VSIG1: variants seen among roughly 807,000 people sequenced by gnomAD.
VSIG1 encodes the protein V-set and immunoglobulin domain-containing protein 1.
Under a neutral mutation model 20.1 loss-of-function variants are expected in VSIG1, and 11 were observed. That is an observed-to-expected ratio of 0.55 (90% CI 0.34 to 0.91). The LOEUF (loss-of-function observed/expected upper bound fraction) is 0.91. Among genes scored for constraint, VSIG1 ranks in the 40% least tolerant of loss-of-function variants. VSIG1 has a pLI of 0.02. For missense variants in VSIG1, 283 were observed against 298.8 expected, an observed-to-expected ratio of 0.95 and a Z score of 0.39; for synonymous variants, 126 against 116.7, an observed-to-expected ratio of 1.08 and a Z score of -0.52.
At chrX:108,029,118 T>C in the VSIG1 span, among the ~76,000 whole-genome samples, 1 of 112,522 alleles carries the variant, frequency 8.9e-6, no homozygotes, top group African/African-American at 3.2e-5. Flanking sequence ...AAGAAATGAA[T>C]CATTTTTTAG....
intron 1 of VSIG1, among the ~76,000 whole-genome samples, chrX:108,047,877 T>TATATATACACAC (rs1569287178): frequency 0.061 from 1,909 of 31,474 alleles, 288 homozygotes; most frequent in African/African-American, 0.11. Context: ...TATACACATA[T>TATATATACACAC]ATATATATAC....
the VSIG1 span, among the ~76,000 whole-genome samples, chrX:108,026,022 A>G: frequency 6.2e-5 from 7 of 112,682 alleles, no homozygotes; most frequent in Admixed American, 5.6e-4. Flanking sequence ...TGGAACATGC[A>G]CTAGAGACTT....
chrX:108,021,272 C>T, the VSIG1 span, among the ~76,000 whole-genome samples: 1 of 111,406 alleles, frequency 9.0e-6, no homozygotes, highest in African/African-American at 3.3e-5. Context: ...ACTGTCTTAT[C>T]CTCATATTTG....
intron 1 of VSIG1, among the ~76,000 whole-genome samples, chrX:108,047,801 TATATATACATATATATATAC>T (rs2030625200): frequency 1.4e-5 from 1 of 72,285 alleles, no homozygotes; most frequent in African/African-American, 5.8e-5. Context: ...TATATATATA[TATATATACATATATATATAC>T]ATATATATAC....
intron 3 of VSIG1, among the ~76,000 whole-genome samples, chrX:108,071,892 CAA>C (rs1203449181): frequency 4.5e-3 from 162 of 36,373 alleles, no homozygotes; most frequent in African/African-American, 0.011. Flanking sequence ...TGAACAAATG[CAA>C]AAAAAAAAAA....
Position 108,072,810 on chromosome X carries a change from C to A in VSIG1, c.546C>A (p.Ile182=). ...YYWHKLEGRD[I]VPVKENFNPT... is the part of the protein sequence containing the mutation. ...GGCATAAACTTGAGGGAAGAGACATCGTGCCAGTGAAAGAAAACTTCAGTA... is the reference window on the plus strand; with the variant it reads ...GGCATAAACTTGAGGGAAGAGACATAGTGCCAGTGAAAGAAAACTTCAGTA... Residue 182 remains isoleucine (I), a synonymous_variant, in exon 4 of 7, where the codon ATC becomes ATA. Coordinates refer to ENST00000217957, the MANE Select transcript of VSIG1 (RefSeq NM_182607.5). 1 of 1,210,707 alleles carries A rather than the reference C, an allele frequency of 8.3e-7. No homozygotes were observed. The highest frequency in any genetic ancestry group is 3.0e-5 in the East Asian group (1 of 33,820).
chrX:108,077,489 C>G lies in VSIG1; in HGVS notation c.*108C>G. 2.1e-6 allele frequency: 2 copies of G among 938,080 alleles called. No homozygotes were observed. The highest frequency in any genetic ancestry group is 2.9e-6 in the Non-Finnish European group (2 of 679,954). 77.3% of individuals were successfully genotyped at this position (938,080 alleles called of 1,213,427 possible). ...TCCTCCTTCCATTTTGACCAACCTT[C>G]TTCTAACAAGGTGCTCATTCCTACT... On this transcript the variant is annotated 3_prime_UTR_variant, in exon 7 of 7. Transcript: ENST00000217957.
the VSIG1 span, among the ~76,000 whole-genome samples, chrX:108,035,357 C>T: frequency 2.7e-5 from 3 of 111,019 alleles, no homozygotes; most frequent in African/African-American, 6.6e-5. Context: ...GCCTCAGCCC[C>T]GCAAAGTGCT....
At chrX:108,028,141 C>A in the VSIG1 span, among the ~76,000 whole-genome samples, 1 of 110,700 alleles carries the variant, frequency 9.0e-6, no homozygotes, top group Non-Finnish European at 1.9e-5. Flanking sequence ...AGTTGGAAAT[C>A]TACCACCTGC....
intron 1 of VSIG1, among the ~76,000 whole-genome samples, chrX:108,048,295 G>A (rs1029823741): frequency 3.6e-5 from 4 of 110,188 alleles, no homozygotes; most frequent in African/African-American, 1.3e-4. Context: ...GAGCCACTGC[G>A]CCCAGCCTAA....
the VSIG1 span, among the ~76,000 whole-genome samples, chrX:108,036,109 T>C: frequency 4.0e-5 from 4 of 100,598 alleles, no homozygotes; most frequent in Non-Finnish European, 8.0e-5. Context: ...ATGTCACAGG[T>C]ACCATTAATC....
chrX:108,045,567 A>C (rs2030554066), intron 1 of VSIG1, among the ~76,000 whole-genome samples: 1 of 112,939 alleles, frequency 8.9e-6, no homozygotes, highest in Non-Finnish European at 1.9e-5. Context: ...TCTAGCAGGC[A>C]GAGCCTGGGT....
chrX:108,042,749 C>T (rs1413490476), upstream of VSIG1, among the ~76,000 whole-genome samples: 1 of 111,671 alleles, frequency 9.0e-6, no homozygotes, highest in Non-Finnish European at 1.9e-5. Flanking sequence ...TATGGATCTC[C>T]AGAGACCCAC....
intron 3 of VSIG1, 39 bp downstream of exon 3, chrX:108,067,173 AAGTT>A (rs1158300618): frequency 8.5e-7 from 1 of 1,178,428 alleles, no homozygotes; most frequent in African/African-American, 1.8e-5. Flanking sequence ...TTCTTGGAAA[AAGTT>A]AGGACACTGA....
At chrX:108,020,160 G>T in the VSIG1 span, among the ~76,000 whole-genome samples, 1 of 111,982 alleles carries the variant, frequency 8.9e-6, no homozygotes, top group African/African-American at 3.2e-5. Context: ...GCCTCACCAG[G>T]TGGTAATTTT....
At chrX:108,034,190 C>G in the VSIG1 span, among the ~76,000 whole-genome samples, 4 of 110,925 alleles carry the variant, frequency 3.6e-5, no homozygotes, top group African/African-American at 1.3e-4. Context: ...GGTGACCCAG[C>G]ATCTCAGGTC....
intron 2 of VSIG1, among the ~76,000 whole-genome samples, chrX:108,066,447 T>C (rs1364243661): frequency 8.9e-6 from 1 of 111,826 alleles, no homozygotes; most frequent in Non-Finnish European, 1.9e-5. Context: ...AGTAGGTGTG[T>C]CTAAAAGGAG....
chrX:108,073,360 A>G lies in VSIG1; in HGVS notation c.679A>G (p.Thr227Ala). The G allele has an allele frequency of 8.3e-7, 1 of 1,210,413 alleles. No homozygotes were observed. The highest frequency in any genetic ancestry group is 1.1e-6 in the Non-Finnish European group (1 of 894,688). The change falls in exon 5 of 7, where the codon ACT becomes GCT. Residue 227 changes from threonine (T) to alanine (A), a missense_variant. Coordinates refer to ENST00000217957, the MANE Select transcript of VSIG1 (RefSeq NM_182607.5). ...LGNSSCEIDLTSSHPEVGIIV... is the reference protein window; with the variant it reads ...LGNSSCEIDLASSHPEVGIIV... ...CAATAGTTCCTGCGAAATCGATCTC[A>G]CTTCTTCACGTGAGTTGACCATACA... is the stretch of plus-strand genomic sequence containing the variant.
intron 1 of VSIG1, among the ~76,000 whole-genome samples, chrX:108,053,112 G>A (rs1413184243): frequency 8.9e-6 from 1 of 112,120 alleles, no homozygotes. Context: ...AAAACAAAAA[G>A]ATTTGTTGCT....
Sources: allele counts gnomAD v4.1 joint callset (sites outside exome capture counted in the v4.1 genomes callset), GRCh38; gene constraint gnomAD v4.1.1; transcripts MANE v1.5; gene names NCBI Gene and HGNC (gene_info 2026-07-23, HGNC 2026-07-21).